The following ACVR1C variants were observed in gnomAD, a reference collection of about 807,000 sequenced individuals.
ACVR1C encodes the protein activin A receptor type 1C, also known as activin receptor type-1C.
In ACVR1C, 23 loss-of-function variants were observed where a neutral mutation model predicts 57.9. The observed-to-expected ratio is 0.40, with a 90% confidence interval of 0.29 to 0.56. The LOEUF is 0.56. ACVR1C is among the 20% of genes least tolerant of loss of function. The pLI, the probability that ACVR1C is intolerant of heterozygous loss-of-function variation, is 0.50. For synonymous variants in ACVR1C, 214 were observed against 215.3 expected (o/e 0.99, Z 0.05); for missense variants, 480 against 607.9 (o/e 0.79, Z 2.21).
intron 1 of ACVR1C, 55 bp from the exon 2 acceptor site, chr2:157,587,472 T>C: frequency 1.6e-6 from 2 of 1,267,244 alleles, no homozygotes; most frequent in African/African-American, 3.0e-5. Context: ...TGCTACTTTA[T>C]TTGATAATAC....
At chr2:157,621,922 T>G (rs138216910) in intron 1 of ACVR1C, among the ~76,000 whole-genome samples, 1 of 152,146 alleles carries the variant, frequency 6.6e-6, no homozygotes, top group Non-Finnish European at 1.5e-5. Flanking sequence ...AAGTTTGCCA[T>G]GCTACTGGGG....
At chr2:157,575,432 C>T (rs1688621634) in intron 2 of ACVR1C, among the ~76,000 whole-genome samples, 1 of 152,178 alleles carries the variant, frequency 6.6e-6, no homozygotes, top group Admixed American at 6.5e-5. Flanking sequence ...TGCGCCCAGC[C>T]TAATTCCTTT....
rs1438765993 is a variant in ACVR1C at position 157,562,301 on chromosome 2, A to AT, written c.305-5970_305-5969insA. Among the ~76,000 whole-genome samples the AT allele has an allele frequency of 3.9e-3, 481 of 124,274 alleles. 1 individual carries two copies. Among genetic ancestry groups the AT allele is most frequent in the Middle Eastern group, 0.032 (8 of 252 alleles). 81.5% of individuals were successfully genotyped at this position (124,274 alleles called of 152,430 possible). On this transcript the variant is annotated intron_variant, in intron 2 of 8. Transcript: ENST00000243349. ...AGAGCAAGACACCGTCTCAAAAAAA[A>AT]AAAAATATATATATATATAAAATAT...
Position 157,550,892 on chromosome 2 carries a change from C to T in ACVR1C, c.545-500G>A, listed in dbSNP as rs149709437. The stretch of plus-strand genomic sequence containing the variant: ...ATGATCATGTGAGATAATGATATTA[C>T]ACTAAAAGCAAGATATAGTCAAATA... On this transcript the variant is annotated intron_variant, in intron 3 of 8. Coordinates refer to ENST00000243349, the MANE Select transcript of ACVR1C (RefSeq NM_145259.3). Among the ~76,000 whole-genome samples, 52 of 152,118 alleles carry T rather than the reference C, an allele frequency of 3.4e-4. 1 individual carries two copies. The East Asian group carries it at 9.8e-3, about 29-fold the overall frequency.
At chr2:157,566,845 G>C (rs113360728) in intron 2 of ACVR1C, among the ~76,000 whole-genome samples, 3 of 152,276 alleles carry the variant, frequency 2.0e-5, no homozygotes, top group Non-Finnish European at 2.9e-5. Context: ...AGGGAAGCTC[G>C]AACTGGGTGG....
intron 2 of ACVR1C, among the ~76,000 whole-genome samples, chr2:157,584,494 T>C (rs1188228565): frequency 1.3e-5 from 2 of 152,224 alleles, no homozygotes; most frequent in Non-Finnish European, 2.9e-5. Context: ...AAAAATAATT[T>C]AACATTATTA....
chr2:157,588,848 C>CATATATATATATATATAT lies in ACVR1C; in HGVS notation c.74-1449_74-1432dup, dbSNP rs71402394. Among the ~76,000 whole-genome samples the CATATATATATATATATAT allele has an allele frequency of 2.7e-3, 238 of 89,016 alleles. 2 individuals are homozygous for CATATATATATATATATAT. The highest frequency in any genetic ancestry group is 4.1e-3 in the South Asian group (10 of 2,456). The allele number at this position is 89,016 out of a possible 152,430, so 58.4% of individuals were successfully genotyped here. A position where few individuals can be genotyped will look rare whatever the true frequency, so the allele number is the denominator to read the frequency against. The stretch of plus-strand genomic sequence containing the variant: ...TACACAAATACATACACAAACACAC[C>CATATATATATATATATAT]ATATATATATATATATATATATATA... On this transcript the variant is annotated intron_variant, in intron 1 of 8. Coordinates refer to ENST00000243349, the MANE Select transcript of ACVR1C (RefSeq NM_145259.3).
intron 3 of ACVR1C, among the ~76,000 whole-genome samples, chr2:157,553,311 A>C (rs1450696172): frequency 6.6e-6 from 1 of 152,150 alleles, no homozygotes; most frequent in Non-Finnish European, 1.5e-5. Context: ...TGCCAAACGT[A>C]TGCAACTGGC....
chr2:157,609,396 T>C (rs1682480994), intron 1 of ACVR1C, among the ~76,000 whole-genome samples: 1 of 152,034 alleles, frequency 6.6e-6, no homozygotes, highest in Non-Finnish European at 1.5e-5. Context: ...ACACATGATC[T>C]CTCCTGAAGA....
chr2:157,531,484 A>T lies in ACVR1C; in HGVS notation c.*2434T>A, dbSNP rs1223058361. ...TTAGACACCCTCAAATAAGCTACAA[A>T]ACATAATGACAAGAAAAATGGAGAT... On this transcript the variant is annotated 3_prime_UTR_variant, in exon 9 of 9. Coordinates refer to ENST00000243349, the MANE Select transcript of ACVR1C (RefSeq NM_145259.3). The T allele has an allele frequency of 6.6e-6, 1 of 152,098 alleles. No homozygotes were observed. Among genetic ancestry groups the T allele is most frequent in the Non-Finnish European group, 1.5e-5 (1 of 67,956 alleles). The allele number at this position is 152,098 out of a possible 1,614,324, so 9.4% of individuals were successfully genotyped here. A position where few individuals can be genotyped will look rare whatever the true frequency, so the allele number is the denominator to read the frequency against.
intron 3 of ACVR1C, among the ~76,000 whole-genome samples, chr2:157,552,664 C>A (rs1687950418): frequency 6.6e-6 from 1 of 152,106 alleles, no homozygotes; most frequent in Non-Finnish European, 1.5e-5. Context: ...TTTCAAACTG[C>A]AAATTAATCA....
At chr2:157,598,861 A>C (rs1445562295) in intron 1 of ACVR1C, among the ~76,000 whole-genome samples, 2 of 152,026 alleles carry the variant, frequency 1.3e-5, no homozygotes, top group Non-Finnish European at 2.9e-5. Context: ...TCTAATACAA[A>C]TTATTAATCT....
At chr2:157,596,999 G>T (rs1044482765) in intron 1 of ACVR1C, among the ~76,000 whole-genome samples, 5 of 152,140 alleles carry the variant, frequency 3.3e-5, no homozygotes, top group African/African-American at 7.2e-5. Flanking sequence ...GGCTGGGGCT[G>T]CGGGTAAGGG....
intron 2 of ACVR1C, among the ~76,000 whole-genome samples, chr2:157,579,231 T>G (rs971980757): frequency 2.0e-5 from 3 of 152,200 alleles, no homozygotes; most frequent in African/African-American, 7.2e-5. Context: ...TTCTCTCCCC[T>G]CTCTTTTGGA....
chr2:157,612,750 G>T (rs1485503925), intron 1 of ACVR1C, among the ~76,000 whole-genome samples: 1 of 152,184 alleles, frequency 6.6e-6, no homozygotes, highest in Non-Finnish European at 1.5e-5. Context: ...ATGTGGACTA[G>T]AGTACTAAGG....
chr2:157,580,434 T>C (rs541641174), intron 2 of ACVR1C, among the ~76,000 whole-genome samples: 11 of 152,332 alleles, frequency 7.2e-5, no homozygotes, highest in Non-Finnish European at 1.5e-4. Flanking sequence ...TTGTATATGG[T>C]ATGACACTGT....
At chr2:157,558,248 T>C (rs1271657216) in intron 2 of ACVR1C, among the ~76,000 whole-genome samples, 1 of 152,200 alleles carries the variant, frequency 6.6e-6, no homozygotes, top group Non-Finnish European at 1.5e-5. Context: ...AGACTATGCT[T>C]GGAAAGCAAT....
intron 1 of ACVR1C, among the ~76,000 whole-genome samples, chr2:157,597,787 T>C (rs1682172227): frequency 6.6e-6 from 1 of 152,238 alleles, no homozygotes; most frequent in Non-Finnish European, 1.5e-5. Flanking sequence ...AGCAAATCAA[T>C]GCAGTGATGA....
At position 157,602,267 on chromosome 2, in the gene ACVR1C, A is replaced by C. The variant is rs1682296586; in HGVS notation, c.74-14850T>G. ...CCCAATAATTTCAACAGAAAAATGAACAAAGTAGATGAACAGAGAAAGAAA... is the reference window on the plus strand; with the variant it reads ...CCCAATAATTTCAACAGAAAAATGACCAAAGTAGATGAACAGAGAAAGAAA... On this transcript the variant is annotated intron_variant, in intron 1 of 8. Coordinates refer to ENST00000243349, the MANE Select transcript of ACVR1C (RefSeq NM_145259.3). 2.0e-5 allele frequency among the ~76,000 whole-genome samples: 3 copies of C among 152,262 alleles called. 1 individual carries two copies.
Sources: allele counts gnomAD v4.1 joint callset (sites outside exome capture counted in the v4.1 genomes callset), GRCh38; gene constraint gnomAD v4.1.1; transcripts MANE v1.5; gene names NCBI Gene and HGNC (gene_info 2026-07-23, HGNC 2026-07-21).